The following FER variants were observed in gnomAD, a reference collection of about 807,000 sequenced individuals.
FER encodes the protein FER tyrosine kinase.
A neutral mutation model predicts 111.0 loss-of-function variants in FER; 63 were observed. The observed-to-expected ratio is 0.57, with a 90% confidence interval of 0.46 to 0.70. The LOEUF (loss-of-function observed/expected upper bound fraction) is 0.70, where lower values mean the gene tolerates loss of function less well. Ranked by LOEUF, FER falls within the 30% of genes least tolerant of loss-of-function variation. FER has a pLI of 0.00. For synonymous variants in FER, 327 were observed against 313.9 expected, an observed-to-expected ratio of 1.04 and a Z score of -0.44; for missense variants, 914 against 954.0, an observed-to-expected ratio of 0.96 and a Z score of 0.55.
At chr5:109,150,116 C>T (rs903741541) in intron 17 of FER, among the ~76,000 whole-genome samples, 6 of 152,126 alleles carry the variant, frequency 3.9e-5, no homozygotes, top group Non-Finnish European at 8.8e-5. Context: ...CTGCCTTCCA[C>T]GAAACCTGTC....
intron 8 of FER, among the ~76,000 whole-genome samples, chr5:108,874,423 A>G (rs1764889331): frequency 2.0e-5 from 3 of 152,170 alleles, no homozygotes; most frequent in Admixed American, 1.3e-4. Context: ...TTACTGAGAT[A>G]AACTTTAGTT....
At chr5:109,052,902 C>G (rs967671626) in intron 16 of FER, among the ~76,000 whole-genome samples, 2 of 152,176 alleles carry the variant, frequency 1.3e-5, no homozygotes, top group African/African-American at 4.8e-5. Context: ...GTGAACTTTT[C>G]ATATTCAGTT....
chr5:109,185,143 A>G (rs1379930165), intron 18 of FER, among the ~76,000 whole-genome samples: 1 of 152,290 alleles, frequency 6.6e-6, no homozygotes, highest in Non-Finnish European at 1.5e-5. Flanking sequence ...TTCCACGTCC[A>G]TCTCCAGAAG....
At chr5:108,947,330 T>C (rs180674736) in intron 11 of FER, among the ~76,000 whole-genome samples, 25 of 152,034 alleles carry the variant, frequency 1.6e-4, no homozygotes, top group African/African-American at 5.8e-4. Context: ...ATATGAATAT[T>C]TTGATTTCTC....
At chr5:108,983,811 C>T (rs1288417427) in intron 13 of FER, among the ~76,000 whole-genome samples, 1 of 152,160 alleles carries the variant, frequency 6.6e-6, no homozygotes, top group Non-Finnish European at 1.5e-5. Context: ...TACCCAGATT[C>T]TTCTTCCAAA....
chr5:109,153,855 C>T (rs1582284263), intron 17 of FER, among the ~76,000 whole-genome samples: 1 of 151,906 alleles, frequency 6.6e-6, no homozygotes, highest in Non-Finnish European at 1.5e-5. Context: ...AAAGTCACTT[C>T]AGTTATCAGA....
chr5:109,186,411 T>C (rs1001326740), intron 19 of FER, 89 bp downstream of exon 19: 23 of 1,587,536 alleles, frequency 1.4e-5, no homozygotes, highest in Admixed American at 5.0e-5. Context: ...AGGGGTGTGT[T>C]AAATACTGTT....
rs1757848672 is a variant in FER, at chr5:108,952,215, G to A, written c.1330-2514G>A. 5.3e-5 allele frequency among the ~76,000 whole-genome samples: 8 copies of A among 152,176 alleles called. No homozygotes were observed. In the South Asian group the frequency reaches 1.7e-3, roughly 32 times the overall value. On this transcript the variant is annotated intron_variant, in intron 11 of 19. Coordinates refer to ENST00000281092, the MANE Select transcript of FER (RefSeq NM_005246.4). Reference sequence around the variant, plus strand: ...TAACTTACCAACAAAGAAAAACCCTGTCTATTGAGGCTGAGAAAGATGGGA... The same window carrying A: ...TAACTTACCAACAAAGAAAAACCCTATCTATTGAGGCTGAGAAAGATGGGA...
At chr5:108,822,744 TTTTATTTTATTTTATTTTA>T (rs1301193549) in intron 3 of FER, among the ~76,000 whole-genome samples, 12 of 140,874 alleles carry the variant, frequency 8.5e-5, no homozygotes, top group South Asian at 4.4e-4. Flanking sequence ...TTTTATTTTA[TTTTATTTTATTTTATTTTA>T]TTTATTTTAT....
intron 16 of FER, among the ~76,000 whole-genome samples, chr5:109,090,668 C>G (rs1778070607): frequency 6.6e-6 from 1 of 151,978 alleles, no homozygotes; most frequent in Non-Finnish European, 1.5e-5. Flanking sequence ...AGCAGAAGTT[C>G]TGGAGTGAAA....
At chr5:108,848,681 T>C (rs1052162580) in intron 5 of FER, among the ~76,000 whole-genome samples, 2 of 152,084 alleles carry the variant, frequency 1.3e-5, no homozygotes, top group African/African-American at 4.8e-5. Context: ...CACACTACAT[T>C]GTTTTTGTTT....
At chr5:108,907,039 A>G (rs1404956299) in intron 10 of FER, among the ~76,000 whole-genome samples, 1 of 152,156 alleles carries the variant, frequency 6.6e-6, no homozygotes, top group Non-Finnish European at 1.5e-5. Context: ...TTCACCCGCT[A>G]AACTACAATG....
chr5:109,009,041 A>G (rs1011861613), intron 13 of FER, among the ~76,000 whole-genome samples: 3 of 138,712 alleles, frequency 2.2e-5, no homozygotes, highest in East Asian at 4.0e-4. Flanking sequence ...CTTCCTCTTC[A>G]GTCTTTTTTT....
intron 2 of FER, among the ~76,000 whole-genome samples, chr5:108,770,356 C>T (rs1028787121): frequency 2.0e-5 from 3 of 152,150 alleles, no homozygotes; most frequent in Non-Finnish European, 4.4e-5. Context: ...AGTCTACTAT[C>T]CCTTGTGCTC....
At chr5:108,760,727 G>C (rs1385036874) in intron 1 of FER, among the ~76,000 whole-genome samples, 2 of 152,144 alleles carry the variant, frequency 1.3e-5, no homozygotes, top group African/African-American at 4.8e-5. Flanking sequence ...TTCTGGGTTA[G>C]GCCTTGGCTT....
chr5:109,182,155 G>T (rs766557391), intron 18 of FER, among the ~76,000 whole-genome samples: 2 of 152,058 alleles, frequency 1.3e-5, no homozygotes. Flanking sequence ...TTGTATATTT[G>T]GGCAGGTTTC....
intron 17 of FER, among the ~76,000 whole-genome samples, chr5:109,157,266 T>C (rs1372998836): frequency 1.3e-5 from 2 of 152,152 alleles, no homozygotes; most frequent in Non-Finnish European, 2.9e-5. Flanking sequence ...TGTTTTTAAA[T>C]CTGCTGGCAG....
intron 10 of FER, among the ~76,000 whole-genome samples, chr5:108,915,469 AAAAC>A (rs1752146298): frequency 6.6e-6 from 1 of 152,160 alleles, no homozygotes; most frequent in Non-Finnish European, 1.5e-5. Flanking sequence ...AACAAAAACA[AAAAC>A]AAAAAACAAA....
In FER at chr5:108,902,443, G is replaced by A. The variant is rs193142127; in HGVS notation, c.1236+4595G>A. Among the ~76,000 whole-genome samples, 17 of 152,312 alleles carry A rather than the reference G, an allele frequency of 1.1e-4. No homozygotes were observed. The East Asian group carries it at 3.1e-3, about 28-fold the overall frequency. Reference sequence around the variant, plus strand: ...ATGTTAAGAAGTGTACCATGGAGAAGTGAGTTGCAGAATTTGAGTCATGTT... The same window carrying A: ...ATGTTAAGAAGTGTACCATGGAGAAATGAGTTGCAGAATTTGAGTCATGTT... On this transcript the variant is annotated intron_variant, in intron 10 of 19. Coordinates refer to ENST00000281092, the MANE Select transcript of FER (RefSeq NM_005246.4).
Sources: allele counts gnomAD v4.1 joint callset (sites outside exome capture counted in the v4.1 genomes callset), GRCh38; gene constraint gnomAD v4.1.1; transcripts MANE v1.5; gene names NCBI Gene and HGNC (gene_info 2026-07-23, HGNC 2026-07-21).